CACNB4: variants seen among roughly 807,000 people sequenced by gnomAD.
CACNB4 encodes the protein calcium voltage-gated channel auxiliary subunit beta 4.
Under a neutral mutation model 71.2 loss-of-function variants are expected in CACNB4, and 32 were observed. That is an observed-to-expected ratio of 0.45 (90% CI 0.34 to 0.60). The LOEUF is 0.60. Among genes scored for constraint, CACNB4 ranks in the 20% least tolerant of loss-of-function variants. CACNB4 has a pLI of 0.01. For synonymous variants in CACNB4, 231 were observed against 236.9 expected (o/e 0.97, Z 0.23); for missense variants, 464 against 647.9 (o/e 0.72, Z 3.08).
intron 5 of CACNB4, among the ~76,000 whole-genome samples, chr2:151,875,709 C>T (rs2099845924): frequency 9.9e-6 from 1 of 101,480 alleles, no homozygotes; most frequent in African/African-American, 4.4e-5. Flanking sequence ...GGCGGCTGGC[C>T]GGGCAGAGGG....
intron 2 of CACNB4, among the ~76,000 whole-genome samples, chr2:152,027,095 C>A (rs552143243): frequency 6.6e-6 from 1 of 152,182 alleles, no homozygotes; most frequent in South Asian, 2.1e-4. Context: ...TTAGTAGAGA[C>A]AGGGTCCACG....
intron 2 of CACNB4, among the ~76,000 whole-genome samples, chr2:152,070,009 A>T (rs1553829145): frequency 1.3e-5 from 2 of 151,658 alleles, no homozygotes; most frequent in Non-Finnish European, 2.9e-5. Flanking sequence ...CGCCTGGCTA[A>T]TTTTTTTGTA....
chr2:151,970,185 A>C (rs2151726608), intron 2 of CACNB4: 1 of 152,360 alleles, frequency 6.6e-6, no homozygotes, highest in East Asian at 1.9e-4. Flanking sequence ...TCTCCTGTGC[A>C]GGCCAGTTCT....
In CACNB4 at chr2:151,841,885, G is replaced by A. The variant is rs769213240; in HGVS notation, c.1302+18C>T. 1 of 1,610,940 alleles carries A rather than the reference G, an allele frequency of 6.2e-7. No homozygotes were observed. The highest frequency in any genetic ancestry group is 1.7e-5 in the Admixed American group (1 of 59,818). On this transcript the variant is annotated intron_variant, in intron 13 of 13. Transcript: ENST00000539935. The stretch of plus-strand genomic sequence containing the variant: ...ACATGTAAGGTTGTAAAAAGCATGA[G>A]TGAAAAAGTGACAATACCTGTAACC...
intron 2 of CACNB4, among the ~76,000 whole-genome samples, chr2:151,896,454 A>C (rs1036125589): frequency 4.6e-5 from 7 of 152,310 alleles, no homozygotes; most frequent in African/African-American, 9.6e-5. Context: ...TCCACAGAAG[A>C]AGCTTATTGT....
chr2:151,997,267 G>A (rs1053432602), intron 2 of CACNB4, among the ~76,000 whole-genome samples: 10 of 152,180 alleles, frequency 6.6e-5, no homozygotes, highest in African/African-American at 2.2e-4. Flanking sequence ...AGGCGCAGTG[G>A]CTCACGCCTG....
chr2:152,051,599 A>T (rs985252745), intron 2 of CACNB4, among the ~76,000 whole-genome samples: 2 of 152,246 alleles, frequency 1.3e-5, no homozygotes, highest in African/African-American at 4.8e-5. Flanking sequence ...CCATGTGAGG[A>T]TGTGAAAGTA....
intron 12 of CACNB4, among the ~76,000 whole-genome samples, chr2:151,845,550 A>G (rs1457752154): frequency 1.3e-5 from 2 of 152,266 alleles, no homozygotes; most frequent in African/African-American, 4.8e-5. Context: ...CAAACCAGCT[A>G]TGCCAATTTT....
At chr2:152,073,584 T>C (rs1686820714) in intron 2 of CACNB4, among the ~76,000 whole-genome samples, 1 of 152,150 alleles carries the variant, frequency 6.6e-6, no homozygotes, top group South Asian at 2.1e-4. Context: ...AGTATTTAAA[T>C]AAACAGGTTA....
At chr2:152,082,021 C>T (rs570197238) in intron 2 of CACNB4, among the ~76,000 whole-genome samples, 4 of 152,284 alleles carry the variant, frequency 2.6e-5, no homozygotes, top group Admixed American at 2.0e-4. Context: ...TTTAAAGCCC[C>T]ATTAGCTACT....
chr2:151,849,443 G>A (rs1358432391), intron 12 of CACNB4, among the ~76,000 whole-genome samples: 2 of 152,070 alleles, frequency 1.3e-5, no homozygotes, highest in Non-Finnish European at 2.9e-5. Context: ...CAAGGTCTCA[G>A]TATGTCTCCC....
At chr2:151,923,009 T>A (rs909364858) in intron 2 of CACNB4, among the ~76,000 whole-genome samples, 5 of 152,222 alleles carry the variant, frequency 3.3e-5, no homozygotes, top group African/African-American at 1.2e-4. Flanking sequence ...TGCCCAGTTG[T>A]GCAATACCCA....
chr2:152,038,443 A>C (rs1684708289), intron 2 of CACNB4, among the ~76,000 whole-genome samples: 1 of 152,200 alleles, frequency 6.6e-6, no homozygotes, highest in Non-Finnish European at 1.5e-5. Context: ...GCTTGATTGC[A>C]GATAATGAAT....
At chr2:152,042,486 TG>T (rs1366963256) in intron 2 of CACNB4, among the ~76,000 whole-genome samples, 3 of 152,152 alleles carry the variant, frequency 2.0e-5, no homozygotes, top group Non-Finnish European at 4.4e-5. Context: ...AAGCTACTCT[TG>T]GAAGTCAGGT....
chr2:152,027,941 TCTC>T (rs1346845768), intron 2 of CACNB4, among the ~76,000 whole-genome samples: 1 of 148,404 alleles, frequency 6.7e-6, no homozygotes, highest in Non-Finnish European at 1.5e-5. Context: ...CCTGCCCAGC[TCTC>T]CTCAGAGAGC....
intron 2 of CACNB4, among the ~76,000 whole-genome samples, chr2:151,917,205 A>C (rs749899934): frequency 1.3e-5 from 2 of 152,218 alleles, no homozygotes; most frequent in Non-Finnish European, 2.9e-5. Context: ...TGCCCCTTGA[A>C]TATCATATCC....
At chr2:152,013,868 C>T (rs897137303) in intron 2 of CACNB4, among the ~76,000 whole-genome samples, 1 of 152,200 alleles carries the variant, frequency 6.6e-6, no homozygotes, top group African/African-American at 2.4e-5. Flanking sequence ...AGCTTTGCTC[C>T]ATATGGATGA....
At chr2:151,884,987 T>C (rs1376035692) in intron 2 of CACNB4, among the ~76,000 whole-genome samples, 1 of 152,208 alleles carries the variant, frequency 6.6e-6, no homozygotes, top group Non-Finnish European at 1.5e-5. Flanking sequence ...CTGAATCTGG[T>C]CCTTTGAAAG....
At chr2:152,038,639 T>C (rs1414748680) in intron 2 of CACNB4, among the ~76,000 whole-genome samples, 1 of 152,156 alleles carries the variant, frequency 6.6e-6, no homozygotes, top group Non-Finnish European at 1.5e-5. Flanking sequence ...GAGACTTCCT[T>C]TTCCTCTTTC....
Sources: allele counts gnomAD v4.1 joint callset (sites outside exome capture counted in the v4.1 genomes callset), GRCh38; gene constraint gnomAD v4.1.1; transcripts MANE v1.5; gene names NCBI Gene and HGNC (gene_info 2026-07-23, HGNC 2026-07-21).